Variants in MAPT observed in about 807,000 individuals in gnomAD.
The protein encoded by MAPT is microtubule-associated protein tau.
MAPT carries 34 observed loss-of-function variants against 67.9 expected under a neutral mutation model. The ratio of observed to expected loss-of-function variants is 0.50; its 90% CI spans 0.38 to 0.67. The LOEUF (loss-of-function observed/expected upper bound fraction) is 0.67. MAPT is among the 30% of genes least tolerant of loss of function. MAPT has a pLI of 0.00. For missense variants in MAPT, 881 were observed against 1,115.2 expected, an observed-to-expected ratio of 0.79 and a Z score of 2.99; for synonymous variants, 456 against 464.5, an observed-to-expected ratio of 0.98 and a Z score of 0.23.
intron 9 of MAPT, among the ~76,000 whole-genome samples, chr17:46,007,325 G>T (rs1185370147): frequency 1.3e-5 from 2 of 151,948 alleles, no homozygotes; most frequent in African/African-American, 4.8e-5. Context: ...TCATCACAAA[G>T]AATTTTTAAA....
chr17:45,928,825 G>A (rs1597993923), intron 1 of MAPT, among the ~76,000 whole-genome samples: 1 of 152,086 alleles, frequency 6.6e-6, no homozygotes. Flanking sequence ...CCTCCTGAGT[G>A]GCTGGAACTA....
intron 3 of MAPT, chr17:45,974,302 A>T (rs1224571605): frequency 4.1e-6 from 4 of 979,574 alleles, no homozygotes; most frequent in Non-Finnish European, 6.4e-6. Context: ...TCCTCCCTGC[A>T]TTGCTCCTGC....
intron 5 of MAPT, among the ~76,000 whole-genome samples, chr17:45,986,575 T>C (rs925854029): frequency 6.6e-6 from 1 of 152,146 alleles, no homozygotes; most frequent in Non-Finnish European, 1.5e-5. Context: ...CATCCTTGGA[T>C]CTTGCAGGAG....
At chr17:45,935,827 T>C (rs2067269003) in intron 1 of MAPT, among the ~76,000 whole-genome samples, 1 of 152,184 alleles carries the variant, frequency 6.6e-6, no homozygotes, top group East Asian at 1.9e-4. Flanking sequence ...GTTCACCTTC[T>C]CCGCAGAGCC....
intron 12 of MAPT, among the ~76,000 whole-genome samples, chr17:46,020,973 C>T (rs565155611): frequency 1.6e-3 from 238 of 152,310 alleles, no homozygotes; most frequent in African/African-American, 5.2e-3. Context: ...GGCCGTCTTT[C>T]CACCAGGCCA....
At chr17:45,898,979 A>C (rs1021212795) in intron 1 of MAPT, among the ~76,000 whole-genome samples, 2 of 151,720 alleles carry the variant, frequency 1.3e-5, no homozygotes, top group African/African-American at 4.8e-5. Context: ...CCCCCTGGCC[A>C]CTCCTAACTT....
intron 11 of MAPT, among the ~76,000 whole-genome samples, chr17:46,014,607 G>T (rs2076033407): frequency 6.6e-6 from 1 of 152,236 alleles, no homozygotes; most frequent in African/African-American, 2.4e-5. Flanking sequence ...GGGCGCTGTG[G>T]CTCACGCCTG....
At chr17:46,018,175 T>C (rs544439402) in intron 11 of MAPT, among the ~76,000 whole-genome samples, 15 of 151,780 alleles carry the variant, frequency 9.9e-5, no homozygotes, top group Non-Finnish European at 1.8e-4. Flanking sequence ...AGACTTTACT[T>C]ACTGGAAGCC....
intron 10 of MAPT, among the ~76,000 whole-genome samples, chr17:46,011,381 G>A (rs528123012): frequency 6.6e-6 from 1 of 152,298 alleles, no homozygotes; most frequent in African/African-American, 2.4e-5. Context: ...AGGCAACAGA[G>A]TGAGACTTTG....
intron 9 of MAPT, among the ~76,000 whole-genome samples, chr17:46,009,433 A>G (rs2075674780): frequency 8.7e-6 from 1 of 114,708 alleles, no homozygotes; most frequent in African/African-American, 2.6e-5. Context: ...TGGTGTCTGC[A>G]GAAAGAACCT....
At position 45,915,960 on chromosome 17, in the gene MAPT, G is replaced by A. The variant is rs1261590766; in HGVS notation, c.-18+21274G>A. ...CACATTTCATCCTCCCAGCCACTCTGGGCCAGGTGGCACTGCTGGTTTGAA... is the reference window on the plus strand; with the variant it reads ...CACATTTCATCCTCCCAGCCACTCTAGGCCAGGTGGCACTGCTGGTTTGAA... On this transcript the variant is annotated intron_variant, in intron 1 of 12. Coordinates refer to ENST00000262410, the MANE Select transcript of MAPT (RefSeq NM_001377265.1). The surrounding 1 kb of genome is among the most constrained non-coding windows in gnomAD (Gnocchi z 4.4). 6.6e-6 allele frequency among the ~76,000 whole-genome samples: 1 copy of A among 152,172 alleles called. No individual in the cohort carries two copies. Among genetic ancestry groups the A allele is most frequent in the Non-Finnish European group, 1.5e-5 (1 of 68,018 alleles).
At chr17:46,009,797 G>C (rs1252159961) in intron 9 of MAPT, among the ~76,000 whole-genome samples, 2 of 152,216 alleles carry the variant, frequency 1.3e-5, no homozygotes, top group African/African-American at 4.8e-5. Flanking sequence ...AGGGCTAGGG[G>C]CTGAGATTGT....
chr17:45,963,090 T>G (rs1286581556), intron 2 of MAPT, among the ~76,000 whole-genome samples: 1 of 152,208 alleles, frequency 6.6e-6, no homozygotes, highest in Admixed American at 6.5e-5. Context: ...TTGATTAGCA[T>G]GTAAAATATG....
At chr17:46,023,737 A>G in intron 12 of MAPT, among the ~76,000 whole-genome samples, 1 of 152,274 alleles carries the variant, frequency 6.6e-6, no homozygotes, top group Admixed American at 6.5e-5. Flanking sequence ...GCTACTCGGG[A>G]GGCTGAGGTG....
intron 10 of MAPT, among the ~76,000 whole-genome samples, chr17:46,013,882 G>T (rs1261902973): frequency 6.6e-6 from 1 of 152,164 alleles, no homozygotes; most frequent in East Asian, 1.9e-4. Flanking sequence ...TCAGGAAAGG[G>T]AGTGACATTT....
chr17:45,983,499 C>A lies in MAPT; in HGVS notation c.920C>A (p.Ser307Tyr). ...GTCGATGAGTCCTCCCCCCAAGACT[C>A]CCCTCCCTCCAAGGCCTCCCCAGCC... ...RDVDESSPQD[S>Y]PPSKASPAQD... The change falls in exon 5 of 13, where the codon TCC becomes TAC. Residue 307 changes from serine to tyrosine, a missense_variant. Physicochemically the swap from Ser to Tyr is moderately radical, Grantham distance 144. Coordinates refer to ENST00000262410, the MANE Select transcript of MAPT (RefSeq NM_001377265.1). 1.2e-6 allele frequency: 2 copies of A among 1,612,120 alleles called. No homozygotes were observed. The highest frequency in any genetic ancestry group is 8.5e-7 in the Non-Finnish European group (1 of 1,179,384).
chr17:45,921,925 C>G (rs181415434), intron 1 of MAPT, among the ~76,000 whole-genome samples: 1 of 152,108 alleles, frequency 6.6e-6, no homozygotes, highest in African/African-American at 2.4e-5. Context: ...AGCACCTAAG[C>G]CCGGGACCCT....
At chr17:45,970,023 T>A (rs1030044585) in intron 2 of MAPT, among the ~76,000 whole-genome samples, 1 of 147,922 alleles carries the variant, frequency 6.8e-6, no homozygotes, top group Non-Finnish European at 1.5e-5. Context: ...CACCCATCCA[T>A]CCATCCATCC....
rs765945750 is a variant in MAPT, at chr17:45,978,453, G to C, written c.286+13G>C. 1.1e-5 allele frequency: 17 copies of C among 1,495,082 alleles called. No individual in the cohort carries two copies. The South Asian group carries it at 1.8e-4, about 16-fold the overall frequency. 92.6% of individuals were successfully genotyped at this position (1,495,082 alleles called of 1,614,324 possible). ...CACGTGACCCAAGGTCAGTGAACTG[G>C]AATTGCCTGCCATGACTTGGGGGTT... is the stretch of plus-strand genomic sequence containing the variant. On this transcript the variant is annotated intron_variant, in intron 4 of 12. Transcript: ENST00000262410.
Sources: gnomAD v4.1 joint callset for allele counts (sites outside exome capture counted in the v4.1 genomes callset) on GRCh38, gnomAD v4.1.1 for gene constraint, Gnocchi (gnomAD v3.1) non-coding constraint, MANE v1.5 for transcripts, NCBI Gene and HGNC (gene_info 2026-07-23, HGNC 2026-07-21) for gene names.